GRK1: variants seen among roughly 807,000 people sequenced by gnomAD.
The protein encoded by GRK1 is G protein-coupled receptor kinase 1.
A neutral mutation model predicts 41.7 loss-of-function variants in GRK1; 28 were observed. The ratio of observed to expected loss-of-function variants is 0.67; its 90% CI spans 0.50 to 0.92. The LOEUF (loss-of-function observed/expected upper bound fraction) is 0.92, where lower values mean the gene tolerates loss of function less well. GRK1 is among the 40% of genes least tolerant of loss of function. The probability of loss-of-function intolerance (pLI) is 0.00; values close to 1 mark genes in which losing one functional copy is unlikely to be tolerated. For synonymous variants in GRK1, 327 were observed against 286.7 expected, an observed-to-expected ratio of 1.14 and a Z score of -1.42; for missense variants, 703 against 671.2, an observed-to-expected ratio of 1.05 and a Z score of -0.52.
At position 113,671,532 on chromosome 13, in the gene GRK1, T is replaced by C. The variant is rs370020014; in HGVS notation, c.861T>C (p.Pro287=). Reference sequence around the variant, plus strand: ...TCTACAACGTGAATGAGGAGAACCCTGGCTTCCCGGAGCCGCGCGCCCTCT... The same window carrying C: ...TCTACAACGTGAATGAGGAGAACCCCGGCTTCCCGGAGCCGCGCGCCCTCT... ...YHIYNVNEEN[P]GFPEPRALFY... is the part of the protein sequence containing the mutation. Residue 287 remains proline, a synonymous_variant, in exon 3 of 7, where the codon CCT becomes CCC. Transcript: ENST00000335678. This position sits in a 1 kb window ranked among gnomAD's most constrained non-coding sequence, Gnocchi z 4.1. The C allele has an allele frequency of 2.6e-6, 2 of 779,412 alleles. No homozygotes were observed. Among genetic ancestry groups the C allele is most frequent in the African/African-American group, 3.4e-5 (2 of 59,256 alleles). 48.3% of individuals were successfully genotyped at this position (779,412 alleles called of 1,614,324 possible).
the GRK1 span, chr13:113,652,797 T>C: frequency 2.2e-5 from 34 of 1,522,796 alleles, no homozygotes; most frequent in Non-Finnish European, 3.0e-5. Context: ...ACACCTGTGC[T>C]CCTCGTGGTG....
Position 113,723,170 on chromosome 13 carries a change from G to C in GRK1, c.1069+13G>C. 1 of 699,646 alleles carries C rather than the reference G, an allele frequency of 1.4e-6. No homozygotes were observed. The highest frequency in any genetic ancestry group is 2.6e-6 in the Non-Finnish European group (1 of 382,216). The allele number at this position is 699,646 out of a possible 1,614,324, so 43.3% of individuals were successfully genotyped here. A position where few individuals can be genotyped will look rare whatever the true frequency, so the allele number is the denominator to read the frequency against. ...GCAGGGACCCCAGGTAAGGGTCTGA[G>C]CGCAGCTGGGGAGGCTCCGTGCATG... is the stretch of plus-strand genomic sequence containing the variant. On this transcript the variant is annotated intron_variant, in intron 4 of 6. Coordinates refer to ENST00000335678, the MANE Select transcript of GRK1 (RefSeq NM_002929.3).
At chr13:113,658,635 C>T in the GRK1 span, among the ~76,000 whole-genome samples, 7 of 152,178 alleles carry the variant, frequency 4.6e-5, no homozygotes, top group East Asian at 1.9e-4. Context: ...CTGGGCCCCC[C>T]GCTGCGGCCG....
In GRK1 at chr13:113,733,928, GTGTGCATA is replaced by G. The variant is rs1373007513; in HGVS notation, c.1396+844_1396+851del. Among the ~76,000 whole-genome samples, 164 of 122,868 alleles carry G rather than the reference GTGTGCATA, an allele frequency of 1.3e-3. 1 individual carries two copies. Among genetic ancestry groups the G allele is most frequent in the African/African-American group, 4.8e-3 (150 of 31,486 alleles). The allele number at this position is 122,868 out of a possible 152,430, so 80.6% of individuals were successfully genotyped here. Reference sequence around the variant, plus strand: ...GTGCATACAGTGTGCGTGTGTGCATGTGTGCATACGTGTGTGCGTGTGTGTGCATACGT... The same window carrying G: ...GTGCATACAGTGTGCGTGTGTGCATGCGTGTGTGCGTGTGTGTGCATACGT... On this transcript the variant is annotated intron_variant, in intron 6 of 6. Transcript: ENST00000335678.
At chr13:113,650,066 G>C in the GRK1 span, among the ~76,000 whole-genome samples, 1 of 152,074 alleles carries the variant, frequency 6.6e-6, no homozygotes, top group Non-Finnish European at 1.5e-5. The surrounding 1 kb of genome is among the most constrained non-coding windows in gnomAD (Gnocchi z 5.0). Context: ...AGGAGGCTGA[G>C]GTGGGAGGAT....
chr13:113,670,889 CA>C (rs1307199581), intron 2 of GRK1, among the ~76,000 whole-genome samples: 1 of 152,116 alleles, frequency 6.6e-6, no homozygotes, highest in African/African-American at 2.4e-5. Context: ...AGCGCGGTCA[CA>C]GGGGTGCCCA....
intron 6 of GRK1, 180 bp from the exon 7 acceptor site, chr13:113,734,888 A>G: frequency 1.9e-6 from 1 of 538,328 alleles, no homozygotes; most frequent in Non-Finnish European, 3.1e-6. Flanking sequence ...GTCTCAGGGG[A>G]ACCCAGGGGC....
intron 6 of GRK1, among the ~76,000 whole-genome samples, chr13:113,733,510 C>T (rs1173756188): frequency 4.8e-5 from 6 of 124,228 alleles, no homozygotes; most frequent in South Asian, 2.4e-4. Context: ...TGTGTGTGCA[C>T]GTGTGTGTGC....
the GRK1 span, chr13:113,658,168 G>A: frequency 2.4e-5 from 39 of 1,598,148 alleles, no homozygotes; most frequent in African/African-American, 2.1e-4. Context: ...AGATCCTCCC[G>A]TCTGCTCCCT....
the GRK1 span, among the ~76,000 whole-genome samples, chr13:113,654,209 T>C: frequency 6.6e-6 from 1 of 152,214 alleles, no homozygotes; most frequent in African/African-American, 2.4e-5. Context: ...GTGGATTTTG[T>C]TAAGAGTAAA....
intron 4 of GRK1, among the ~76,000 whole-genome samples, chr13:113,727,132 G>A (rs1480359268): frequency 6.6e-6 from 1 of 152,244 alleles, no homozygotes; most frequent in Non-Finnish European, 1.5e-5. Flanking sequence ...ACTCACACAG[G>A]CCCCATGTGC....
In GRK1 at chr13:113,733,810, CATACGTGT is replaced by C. The variant is rs1412480835; in HGVS notation, c.1396+726_1396+733del. 8.9e-3 allele frequency among the ~76,000 whole-genome samples: 717 copies of C among 80,912 alleles called. 20 individuals carry two copies. Among genetic ancestry groups the C allele is most frequent in the African/African-American group, 0.034 (688 of 20,046 alleles). The allele number at this position is 80,912 out of a possible 152,430, so 53.1% of individuals were successfully genotyped here. ...GCATGTGTGTATGTGTATCTGTGTG[CATACGTGT>C]GTGCGTGTGTGTGCACGTGCGTGTG... On this transcript the variant is annotated intron_variant, in intron 6 of 6. Transcript: ENST00000335678.
intron 3 of GRK1, among the ~76,000 whole-genome samples, chr13:113,672,426 G>C (rs2049863906): frequency 1.4e-5 from 2 of 142,288 alleles, no homozygotes; most frequent in Non-Finnish European, 3.0e-5. Flanking sequence ...GTGTGTTCGT[G>C]GTGTGGTGTG....
rs778540735 is a variant in GRK1, at chr13:113,668,105, C to T, written c.699+20C>T. 5.7e-6 allele frequency: 9 copies of T among 1,585,546 alleles called. No individual in the cohort carries two copies. In the African/African-American group the frequency reaches 1.1e-4, roughly 19 times the overall value. ...TACCAGGTGAGCAGCGCGACCCGGC[C>T]AGCAGGGATGGGGTGGCAGGGTGCA... On this transcript the variant is annotated intron_variant, in intron 1 of 6. Transcript: ENST00000335678.
rs1010787087 is a variant in GRK1 at position 113,735,453 on chromosome 13, G to T, written c.*90G>T. 2.2e-6 allele frequency: 3 copies of T among 1,359,424 alleles called. No homozygotes were observed. In the African/African-American group the frequency reaches 4.4e-5, roughly 20 times the overall value. 84.2% of individuals were successfully genotyped at this position (1,359,424 alleles called of 1,614,324 possible). A position where few individuals can be genotyped will look rare whatever the true frequency, so the allele number is the denominator to read the frequency against. On this transcript the variant is annotated 3_prime_UTR_variant, in exon 7 of 7. Transcript: ENST00000335678. ...CGTGGTGCCAGCCTGGGGTCTGCTA[G>T]CAAGGGGACACGTGGTTCCCTCCAC... is the stretch of plus-strand genomic sequence containing the variant.
chr13:113,649,481 C>T, the GRK1 span: 41 of 1,556,100 alleles, frequency 2.6e-5, no homozygotes, highest in East Asian at 3.8e-4. This position sits in a 1 kb window ranked among gnomAD's most constrained non-coding sequence, Gnocchi z 4.7. Flanking sequence ...GCGACCTCAG[C>T]GTTCCTGGGG....
intron 4 of GRK1, among the ~76,000 whole-genome samples, chr13:113,730,032 T>TCCCCGC (rs1276825131): frequency 8.7e-6 from 1 of 115,186 alleles, no homozygotes; most frequent in Non-Finnish European, 1.8e-5. Context: ...ACAGTCCCCG[T>TCCCCGC]GGCTGCACCC....
At chr13:113,653,480 C>G in the GRK1 span, 1 of 1,546,736 alleles carries the variant, frequency 6.5e-7, no homozygotes, top group Non-Finnish European at 8.9e-7. Flanking sequence ...ATGCTCACCA[C>G]ATTTAAGCCA....
At chr13:113,733,522 T>C (rs1454672530) in intron 6 of GRK1, among the ~76,000 whole-genome samples, 10 of 148,764 alleles carry the variant, frequency 6.7e-5, no homozygotes, top group African/African-American at 9.8e-5. Context: ...TGTGTGTGCA[T>C]GTGTGCGCGT....
Sources: gnomAD v4.1 joint callset for allele counts (sites outside exome capture counted in the v4.1 genomes callset) on GRCh38, gnomAD v4.1.1 for gene constraint, Gnocchi (gnomAD v3.1) non-coding constraint, MANE v1.5 for transcripts, NCBI Gene and HGNC (gene_info 2026-07-23, HGNC 2026-07-21) for gene names.